Variants in HMCN2 observed in about 807,000 individuals in gnomAD.
The protein encoded by HMCN2 is hemicentin-2.
A neutral mutation model predicts 377.5 loss-of-function variants in HMCN2; 325 were observed. The ratio of observed to expected loss-of-function variants is 0.86; its 90% CI spans 0.79 to 0.94. The LOEUF (loss-of-function observed/expected upper bound fraction) is 0.94. Ranked by LOEUF, HMCN2 falls within the 40% of genes least tolerant of loss-of-function variation. The pLI, the probability that HMCN2 is intolerant of heterozygous loss-of-function variation, is 0.00. For synonymous variants in HMCN2, 2,007 were observed against 2,046.8 expected (o/e 0.98, Z 0.53); for missense variants, 4,543 against 4,725.3 (o/e 0.96, Z 1.13).
intron 86 of HMCN2, among the ~76,000 whole-genome samples, chr9:130,420,546 G>A (rs1224555617): frequency 6.6e-6 from 1 of 152,112 alleles, no homozygotes; most frequent in African/African-American, 2.4e-5. Context: ...TCATAGTTCT[G>A]GAGGCTGCAA....
chr9:130,313,600 A>ACCC (rs878874680), intron 15 of HMCN2, among the ~76,000 whole-genome samples: 38,526 of 147,828 alleles, frequency 0.26, 4,950 homozygotes, highest in Non-Finnish European at 0.31. Flanking sequence ...GCATGTGGGC[A>ACCC]CCCCCCCCCA....
intron 22 of HMCN2, among the ~76,000 whole-genome samples, 189 bp downstream of exon 22, chr9:130,327,664 C>G (rs1838213132): frequency 6.6e-6 from 1 of 152,182 alleles, no homozygotes; most frequent in East Asian, 1.9e-4. Context: ...CTAGAGGGTG[C>G]CTGGAAGCCC....
At chr9:130,411,931 A>G (rs576691460) in intron 85 of HMCN2, among the ~76,000 whole-genome samples, 1 of 142,484 alleles carries the variant, frequency 7.0e-6, no homozygotes, top group Admixed American at 7.4e-5. Context: ...CAAATGGTTC[A>G]ATGATAAATT....
intron 1 of HMCN2, among the ~76,000 whole-genome samples, chr9:130,279,022 C>T (rs889828598): frequency 2.0e-5 from 3 of 151,834 alleles, no homozygotes; most frequent in Non-Finnish European, 2.9e-5. Context: ...CTCAGCCTCC[C>T]GAGTAGCTGG....
At chr9:130,341,789 A>G (rs1839061564) in intron 24 of HMCN2, among the ~76,000 whole-genome samples, 1 of 152,096 alleles carries the variant, frequency 6.6e-6, no homozygotes, top group Non-Finnish European at 1.5e-5. Context: ...GTCCAATAGT[A>G]TGTGGGGGGT....
chr9:130,288,083 G>A (rs1285451134), intron 4 of HMCN2, among the ~76,000 whole-genome samples: 1 of 152,326 alleles, frequency 6.6e-6, no homozygotes, highest in African/African-American at 2.4e-5. Context: ...TGGAAGGATG[G>A]GTTGGTTCTT....
intron 83 of HMCN2, 145 bp downstream of exon 83, chr9:130,407,850 T>C: frequency 3.8e-6 from 2 of 532,546 alleles, no homozygotes; most frequent in Non-Finnish European, 5.2e-6. Flanking sequence ...CCTGGGGGAC[T>C]TTAAATTCTG....
At chr9:130,288,124 A>G (rs1456005551) in intron 4 of HMCN2, among the ~76,000 whole-genome samples, 2 of 152,180 alleles carry the variant, frequency 1.3e-5, no homozygotes, top group African/African-American at 2.4e-5. Flanking sequence ...GGCCAATTGC[A>G]TGGGAACTTG....
At chr9:130,395,462 T>C in intron 71 of HMCN2, 115 bp downstream of exon 71, 2 of 905,628 alleles carry the variant, frequency 2.2e-6, no homozygotes, top group South Asian at 3.5e-5. Flanking sequence ...TGAGCTGCAC[T>C]TTGCACCCTG....
intron 89 of HMCN2, among the ~76,000 whole-genome samples, chr9:130,425,457 T>A (rs918041886): frequency 6.6e-6 from 1 of 151,502 alleles, no homozygotes; most frequent in African/African-American, 2.4e-5. Flanking sequence ...CTCCCAAGGC[T>A]CACCCCATCT....
Position 130,375,552 on chromosome 9 carries a change from C to T in HMCN2, c.7631-11C>T, listed in dbSNP as rs558636437. 5.1e-6 allele frequency: 5 copies of T among 985,850 alleles called. No individual in the cohort carries two copies. The highest frequency in any genetic ancestry group is 2.3e-4 in the East Asian group (2 of 8,804). The allele number at this position is 985,850 out of a possible 1,614,324, so 61.1% of individuals were successfully genotyped here. On this transcript the variant is annotated splice_polypyrimidine_tract_variant and intron_variant, in intron 49 of 97. Transcript: ENST00000683500. The stretch of plus-strand genomic sequence containing the variant: ...TCTGCTCATAACTGCCTCCCTGGCC[C>T]CCCATCACAGTGGCTCCCACCATCC...
At chr9:130,306,360 T>C (rs1258583410) in intron 12 of HMCN2, 90 bp downstream of exon 12, 2 of 431,222 alleles carry the variant, frequency 4.6e-6, no homozygotes, top group African/African-American at 4.1e-5. Flanking sequence ...TTCCTATCTG[T>C]AAATGGGGAA....
At position 130,348,461 on chromosome 9, in the gene HMCN2, G is replaced by T. The variant is rs1839509702; in HGVS notation, c.4025-84G>T. 5.0e-5 allele frequency: 63 copies of T among 1,251,448 alleles called. 1 individual carries two copies. The South Asian group carries it at 8.2e-4, about 16-fold the overall frequency. The allele number at this position is 1,251,448 out of a possible 1,614,324, so 77.5% of individuals were successfully genotyped here. A position where few individuals can be genotyped will look rare whatever the true frequency, so the allele number is the denominator to read the frequency against. ...CCTTCTCCAACCCCAGTGACGAAGG[G>T]GAGGGAATGGCCCAGATGAGGTCCC... On this transcript the variant is annotated intron_variant, in intron 26 of 97. Coordinates refer to ENST00000683500, the MANE Select transcript of HMCN2 (RefSeq NM_001291815.2).
chr9:130,383,667 G>A, intron 57 of HMCN2, 67 bp downstream of exon 57: 1 of 714,132 alleles, frequency 1.4e-6, no homozygotes, highest in Non-Finnish European at 1.7e-6. Context: ...CTGCCTTGGG[G>A]CTTCCAGTAT....
At chr9:130,311,901 G>C (rs1437915614) in intron 15 of HMCN2, among the ~76,000 whole-genome samples, 9 of 152,236 alleles carry the variant, frequency 5.9e-5, no homozygotes, top group South Asian at 4.1e-4. Flanking sequence ...TTTCCACTGT[G>C]GCTGGGTTCT....
rs534575149 is a variant in HMCN2, at chr9:130,303,852, C to G, written c.1543+244C>G. 2.0e-5 allele frequency among the ~76,000 whole-genome samples: 3 copies of G among 152,302 alleles called. No individual in the cohort carries two copies. The highest frequency in any genetic ancestry group is 3.9e-4 in the East Asian group (2 of 5,176). On this transcript the variant is annotated intron_variant, in intron 10 of 97. Coordinates refer to ENST00000683500, the MANE Select transcript of HMCN2 (RefSeq NM_001291815.2). The surrounding 1 kb of genome is among the most constrained non-coding windows in gnomAD (Gnocchi z 5.2). Reference sequence around the variant, plus strand: ...GCTTGGGTCTTCCTGCCCTGCCCAGCTTTGATCCCAACTCTGACTTCTCGG... The same window carrying G: ...GCTTGGGTCTTCCTGCCCTGCCCAGGTTTGATCCCAACTCTGACTTCTCGG...
At chr9:130,408,964 C>T (rs1164612160) in intron 84 of HMCN2, 31 bp downstream of exon 84, 2 of 1,261,066 alleles carry the variant, frequency 1.6e-6, no homozygotes, top group African/African-American at 1.5e-5. Context: ...TTGGGTGGGG[C>T]CACTGAGGAC....
At chr9:130,408,077 C>T (rs1164700490) in intron 83 of HMCN2, among the ~76,000 whole-genome samples, 1 of 152,218 alleles carries the variant, frequency 6.6e-6, no homozygotes, top group Non-Finnish European at 1.5e-5. Flanking sequence ...GCTTGCCAGC[C>T]AGCCAGTTGT....
In HMCN2 at chr9:130,428,422, C is replaced by T. The variant is rs1422621293; in HGVS notation, c.14130C>T (p.Leu4710=). ...CREGQRCVNL[L]GSYRCLPDCG... is the part of the protein sequence containing the mutation. ...AGGGACAGCGCTGTGTGAACCTGCT[C>T]GGGTCCTACCGCTGCCTCCCCGACT... Residue 4710 remains leucine, a synonymous_variant, in exon 93 of 98, where the codon CTC becomes CTT. Coordinates refer to ENST00000683500, the MANE Select transcript of HMCN2 (RefSeq NM_001291815.2). The surrounding 1 kb of genome is among the most constrained non-coding windows in gnomAD (Gnocchi z 5.0). 9 of 1,546,950 alleles carry T rather than the reference C, an allele frequency of 5.8e-6. No individual in the cohort carries two copies. Among genetic ancestry groups the T allele is most frequent in the Non-Finnish European group, 7.8e-6 (9 of 1,146,942 alleles).
Sources: allele counts gnomAD v4.1 joint callset (sites outside exome capture counted in the v4.1 genomes callset), GRCh38; gene constraint gnomAD v4.1.1; non-coding constraint Gnocchi (gnomAD v3.1); transcripts MANE v1.5; gene names NCBI Gene and HGNC (gene_info 2026-07-23, HGNC 2026-07-21).